Variants in TMEM17 observed in about 807,000 individuals in gnomAD.
TMEM17 encodes the protein transmembrane protein 17.
TMEM17 carries 15 observed loss-of-function variants against 19.1 expected under a neutral mutation model. The ratio of observed to expected loss-of-function variants is 0.78; its 90% CI spans 0.52 to 1.21. TMEM17 has a LOEUF of 1.21. Ranked by LOEUF, TMEM17 falls within the 50% of genes most tolerant of loss-of-function variation. The probability of loss-of-function intolerance (pLI) is 0.00; values close to 1 mark genes in which losing one functional copy is unlikely to be tolerated. For synonymous variants in TMEM17, 103 were observed against 86.9 expected (o/e 1.19, Z -1.03); for missense variants, 245 against 242.3 (o/e 1.01, Z -0.07).
chr2:62,474,308 T>A, the TMEM17 span, among the ~76,000 whole-genome samples: 1 of 152,152 alleles, frequency 6.6e-6, no homozygotes, highest in Non-Finnish European at 1.5e-5. Context: ...GAGATCTATA[T>A]CTGTGGTGAG....
At chr2:62,483,223 A>G in the TMEM17 span, among the ~76,000 whole-genome samples, 6 of 152,214 alleles carry the variant, frequency 3.9e-5, no homozygotes, top group Middle Eastern at 3.2e-3. Flanking sequence ...GGCTTACAGC[A>G]GGCTCTGTCT....
Position 62,502,781 on chromosome 2 carries a change from G to A in TMEM17, c.114C>T (p.Val38=), listed in dbSNP as rs1358308736. ...GTGACATCTGCAGTGCCAAACTGGA[G>A]ACCATTTCATTTTCTACAGAAGGAA... The part of the protein sequence containing the change: ...ESNEGPENEM[V]SSLALQMSLY... Residue 38 remains valine (V), a synonymous_variant, in exon 2 of 4, where the codon GTC becomes GTT. Coordinates refer to ENST00000335390, the MANE Select transcript of TMEM17 (RefSeq NM_198276.3). 1 of 1,600,960 alleles carries A rather than the reference G, an allele frequency of 6.2e-7. No homozygotes were observed. Among genetic ancestry groups the A allele is most frequent in the East Asian group, 2.2e-5 (1 of 44,648 alleles).
chr2:62,498,584 C>T (rs532739296), downstream of TMEM17, among the ~76,000 whole-genome samples: 1,294 of 147,048 alleles, frequency 8.8e-3, 15 homozygotes, highest in African/African-American at 0.018. Flanking sequence ...GGCGTGGTGG[C>T]GGGCGCCTGT....
downstream of TMEM17, among the ~76,000 whole-genome samples, chr2:62,499,274 T>C (rs1679858604): frequency 1.3e-5 from 2 of 152,216 alleles, no homozygotes. Context: ...TTCTGCTATT[T>C]AAAATAAAAC....
the TMEM17 span, among the ~76,000 whole-genome samples, chr2:62,490,651 A>G: frequency 6.6e-6 from 1 of 152,228 alleles, no homozygotes; most frequent in East Asian, 1.9e-4. Flanking sequence ...TTTGGATCAT[A>G]GATTCAGAGG....
downstream of TMEM17, among the ~76,000 whole-genome samples, chr2:62,499,920 C>T (rs1679876196): frequency 6.6e-6 from 1 of 152,208 alleles, no homozygotes; most frequent in Admixed American, 6.5e-5. Flanking sequence ...CTCCTATTAG[C>T]AAGGGAGCAT....
chr2:62,476,477 T>C, the TMEM17 span, among the ~76,000 whole-genome samples: 1 of 152,164 alleles, frequency 6.6e-6, no homozygotes, highest in Non-Finnish European at 1.5e-5. Flanking sequence ...CTCTTCAGCT[T>C]ATGATGGAGC....
At chr2:62,466,701 T>C in the TMEM17 span, among the ~76,000 whole-genome samples, 1 of 152,198 alleles carries the variant, frequency 6.6e-6, no homozygotes, top group Non-Finnish European at 1.5e-5. Flanking sequence ...CTGGAGGACC[T>C]GGGACTGCAG....
At chr2:62,467,883 CTTTT>C in the TMEM17 span, among the ~76,000 whole-genome samples, 1 of 135,080 alleles carries the variant, frequency 7.4e-6, no homozygotes. Flanking sequence ...GCCATCTCTC[CTTTT>C]TTTTTTTTTT....
At chr2:62,483,927 TC>T in the TMEM17 span, among the ~76,000 whole-genome samples, 1 of 152,054 alleles carries the variant, frequency 6.6e-6, no homozygotes, top group African/African-American at 2.4e-5. Flanking sequence ...AAGTGTTCCT[TC>T]CCATTCCAGC....
At chr2:62,471,094 C>A in the TMEM17 span, among the ~76,000 whole-genome samples, 1 of 152,156 alleles carries the variant, frequency 6.6e-6, no homozygotes, top group African/African-American at 2.4e-5. Context: ...TGCCCTTGGG[C>A]CCCGTGACCT....
Position 62,501,142 on chromosome 2 carries a change from T to G in TMEM17, c.*67A>C. 6.6e-7 allele frequency: 1 copy of G among 1,523,758 alleles called. No homozygotes were observed. The highest frequency in any genetic ancestry group is 2.3e-5 in the East Asian group (1 of 44,152). 94.4% of individuals were successfully genotyped at this position (1,523,758 alleles called of 1,614,324 possible). A position where few individuals can be genotyped will look rare whatever the true frequency, so the allele number is the denominator to read the frequency against. On this transcript the variant is annotated 3_prime_UTR_variant, in exon 4 of 4. Transcript: ENST00000335390. ...CTTGCTTTGTCCCTTTTCTCAGAGC[T>G]CTGATATTTTCCTAACTCTTACAGT...
chr2:62,467,322 G>A, the TMEM17 span, among the ~76,000 whole-genome samples: 1 of 152,066 alleles, frequency 6.6e-6, no homozygotes, highest in African/African-American at 2.4e-5. Context: ...GAGACCCACG[G>A]ATCTAGTCCA....
chr2:62,492,006 T>C, the TMEM17 span, among the ~76,000 whole-genome samples: 5 of 152,066 alleles, frequency 3.3e-5, no homozygotes, highest in Non-Finnish European at 5.9e-5. Flanking sequence ...AAACGTATTA[T>C]TAGATTTTTA....
chr2:62,496,039 A>G (rs895529785), downstream of TMEM17, among the ~76,000 whole-genome samples: 1 of 151,922 alleles, frequency 6.6e-6, no homozygotes, highest in African/African-American at 2.4e-5. Flanking sequence ...CCTTAATTCA[A>G]AAATCTTTTT....
At chr2:62,458,923 G>T in the TMEM17 span, among the ~76,000 whole-genome samples, 14 of 152,320 alleles carry the variant, frequency 9.2e-5, no homozygotes, top group East Asian at 2.5e-3. Context: ...TTCTGGTTTT[G>T]AAGTAAACTT....
chr2:62,501,872 C>G (rs971110744), intron 3 of TMEM17: 5 of 182,128 alleles, frequency 2.7e-5, no homozygotes, highest in African/African-American at 1.2e-4. Context: ...GATTGGGAAT[C>G]AGCACATCAG....
At chr2:62,505,753 T>C (rs1680050174) in intron 1 of TMEM17, among the ~76,000 whole-genome samples, 2 of 151,826 alleles carry the variant, frequency 1.3e-5, no homozygotes, top group Admixed American at 1.3e-4. Flanking sequence ...TGATGGGCCT[T>C]GCGCGGCACA....
chr2:62,505,907 C>A, intron 1 of TMEM17, 123 bp downstream of exon 1: 1 of 979,498 alleles, frequency 1.0e-6, no homozygotes, highest in Non-Finnish European at 1.5e-6. Flanking sequence ...CGCTCTCCCG[C>A]ACTGCGGAGA....
Sources: allele counts gnomAD v4.1 joint callset (sites outside exome capture counted in the v4.1 genomes callset), GRCh38; gene constraint gnomAD v4.1.1; transcripts MANE v1.5; gene names NCBI Gene and HGNC (gene_info 2026-07-23, HGNC 2026-07-21).